SEMA3A: variants seen among roughly 807,000 people sequenced by gnomAD.
The protein encoded by SEMA3A is semaphorin-3A.
A neutral mutation model predicts 97.9 loss-of-function variants in SEMA3A; 29 were observed. The observed-to-expected ratio is 0.30, with a 90% CI of 0.22 to 0.40. The LOEUF is 0.40. Among genes scored for constraint, SEMA3A ranks in the 10% least tolerant of loss-of-function variants. The pLI is 1.00. For synonymous variants in SEMA3A, 321 were observed against 323.7 expected, an observed-to-expected ratio of 0.99 and a Z score of 0.09; for missense variants, 763 against 951.3, an observed-to-expected ratio of 0.80 and a Z score of 2.60.
At chr7:84,006,533 T>TAAAC (rs1228812001) in intron 10 of SEMA3A, among the ~76,000 whole-genome samples, 2 of 152,006 alleles carry the variant, frequency 1.3e-5, no homozygotes, top group African/African-American at 2.4e-5. Context: ...CCTCTGGATG[T>TAAAC]AAACACTCCA....
chr7:84,154,067 G>A (rs896156781), intron 1 of SEMA3A, among the ~76,000 whole-genome samples: 4 of 151,928 alleles, frequency 2.6e-5, no homozygotes, highest in African/African-American at 9.7e-5. Flanking sequence ...TATTTTGGGA[G>A]GTCTAGCTGT....
At position 83,980,603 on chromosome 7, in the gene SEMA3A, C is replaced by CAAAAAAAAAAA. The variant is rs749889921; in HGVS notation, c.1652+707_1652+717dup. The stretch of plus-strand genomic sequence containing the variant: ...CTGGTGACAGAGTGAGACTCCATCT[C>CAAAAAAAAAAA]AAAAAAAAAAAAAAAAAAAAATATA... On this transcript the variant is annotated intron_variant, in intron 14 of 16. Transcript: ENST00000265362. Among the ~76,000 whole-genome samples the CAAAAAAAAAAA allele has an allele frequency of 3.3e-4, 18 of 53,962 alleles. 1 individual carries two copies. The highest frequency in any genetic ancestry group is 4.8e-4 in the Admixed American group (2 of 4,172). 35.4% of individuals were successfully genotyped at this position (53,962 alleles called of 152,430 possible). A position where few individuals can be genotyped will look rare whatever the true frequency, so the allele number is the denominator to read the frequency against.
chr7:84,218,231 G>A (rs1238532525), intron 3 of SEMA3A, among the ~76,000 whole-genome samples: 3 of 151,872 alleles, frequency 2.0e-5, no homozygotes, highest in African/African-American at 7.3e-5. Context: ...TCTGCATATT[G>A]CAGATCTTTG....
chr7:84,073,932 T>C (rs1446278035), intron 4 of SEMA3A, among the ~76,000 whole-genome samples: 1 of 150,470 alleles, frequency 6.6e-6, no homozygotes, highest in Non-Finnish European at 1.5e-5. Flanking sequence ...ATCTTAAAAA[T>C]TTATAGACTT....
intron 1 of SEMA3A, among the ~76,000 whole-genome samples, chr7:84,189,155 C>G (rs188247114): frequency 1.0e-3 from 152 of 151,904 alleles, no homozygotes; most frequent in Non-Finnish European, 1.9e-3. Context: ...AACTGCTGGT[C>G]TTTTTAAAAT....
At chr7:83,965,838 G>A (rs1041416461) in intron 15 of SEMA3A, among the ~76,000 whole-genome samples, 1 of 149,034 alleles carries the variant, frequency 6.7e-6, no homozygotes, top group South Asian at 2.2e-4. Context: ...CTGCCACCAC[G>A]CCCAGCTAGT....
chr7:84,490,199 CAAAA>C (rs35030948), intron 1 of SEMA3A, among the ~76,000 whole-genome samples: 4 of 101,020 alleles, frequency 4.0e-5, no homozygotes, highest in Non-Finnish European at 6.4e-5. Context: ...GCTTTTCCAG[CAAAA>C]AAAAAAAAAA....
intron 1 of SEMA3A, among the ~76,000 whole-genome samples, chr7:84,462,379 G>A (rs187016952): frequency 7.2e-5 from 11 of 152,202 alleles, no homozygotes; most frequent in Admixed American, 7.2e-4. Flanking sequence ...TATAACAACT[G>A]TGACTTCTGG....
At chr7:84,271,835 A>G (rs1800158898) in intron 3 of SEMA3A, among the ~76,000 whole-genome samples, 1 of 152,154 alleles carries the variant, frequency 6.6e-6, no homozygotes, top group Non-Finnish European at 1.5e-5. Context: ...AATTCCAGAA[A>G]GCACAGTATC....
chr7:84,130,162 A>G (rs1207609923), intron 2 of SEMA3A, among the ~76,000 whole-genome samples: 1 of 152,110 alleles, frequency 6.6e-6, no homozygotes, highest in East Asian at 1.9e-4. Flanking sequence ...AAAGTCATAT[A>G]TAAAAAAACA....
intron 3 of SEMA3A, among the ~76,000 whole-genome samples, chr7:84,297,944 T>C (rs1800909122): frequency 6.6e-6 from 1 of 152,336 alleles, no homozygotes; most frequent in South Asian, 2.1e-4. Context: ...AATCTGCAGA[T>C]AATCCCAAGG....
chr7:84,166,854 G>A (rs1797225862), intron 1 of SEMA3A, among the ~76,000 whole-genome samples: 1 of 128,244 alleles, frequency 7.8e-6, no homozygotes, highest in Admixed American at 9.0e-5. Context: ...CTGCCTGGAC[G>A]ACAGAGTGAA....
At chr7:84,231,823 G>A (rs1260857568) in intron 3 of SEMA3A, among the ~76,000 whole-genome samples, 1 of 151,904 alleles carries the variant, frequency 6.6e-6, no homozygotes, top group African/African-American at 2.4e-5. Context: ...GCCAATGTCA[G>A]GTTGGGTAGG....
At position 84,011,267 on chromosome 7, in the gene SEMA3A, T is replaced by G; in HGVS notation, c.841A>C (p.Asn281His). 1 of 1,613,952 alleles carries G rather than the reference T, an allele frequency of 6.2e-7. No individual in the cohort carries two copies. The highest frequency in any genetic ancestry group is 2.2e-5 in the East Asian group (1 of 44,860). The change falls in exon 8 of 17, where the codon AAT becomes CAT. Residue 281 changes from asparagine to histidine, a missense_variant. Around this residue, in one of 2 missense-constraint regions of SEMA3A, gnomAD observed 678 missense variants for 881.3 expected, o/e 0.77. Coordinates refer to ENST00000265362, the MANE Select transcript of SEMA3A (RefSeq NM_006080.3). Reference protein sequence around the residue: ...NDFGGHRSLVNKWTTFLKARL... With the variant: ...NDFGGHRSLVHKWTTFLKARL... ...GCTTTGAGGAATGTTGTCCATTTAT[T>G]CACCAGACTTCTGTGCCCTCCAAAG...
intron 1 of SEMA3A, among the ~76,000 whole-genome samples, chr7:84,438,417 C>G (rs1459638063): frequency 6.6e-6 from 1 of 152,024 alleles, no homozygotes; most frequent in Non-Finnish European, 1.5e-5. Flanking sequence ...CAATGGAATC[C>G]ATAGAAGACC....
intron 5 of SEMA3A, among the ~76,000 whole-genome samples, chr7:84,056,007 A>G (rs898025421): frequency 2.0e-5 from 3 of 152,208 alleles, no homozygotes; most frequent in Non-Finnish European, 4.4e-5. Flanking sequence ...ACTATACCCT[A>G]CAAGATCTTT....
chr7:84,023,981 T>C (rs1043951191), intron 6 of SEMA3A, among the ~76,000 whole-genome samples: 8 of 141,528 alleles, frequency 5.7e-5, no homozygotes, highest in South Asian at 4.5e-4. Context: ...CACTGCACTC[T>C]AGCCTGGGCA....
rs1788464790 is a variant in SEMA3A, at chr7:83,961,431, T to C, written c.2256A>G (p.Glu752=). Residue 752 remains glutamate (E), a synonymous_variant, in exon 17 of 17, where the codon GAA becomes GAG. Transcript: ENST00000265362. ...GNSNKWKHLQ[E]NKKGRNRRTH... is the part of the protein sequence containing the mutation. ...TCCTCCTGTTTCTACCTTTCTTATTTTCTTGTAAGTGCTTCCATTTGTTAC... is the reference window on the plus strand; with the variant it reads ...TCCTCCTGTTTCTACCTTTCTTATTCTCTTGTAAGTGCTTCCATTTGTTAC... 6.2e-7 allele frequency: 1 copy of C among 1,614,012 alleles called. No individual in the cohort carries two copies. Among genetic ancestry groups the C allele is most frequent in the African/African-American group, 1.3e-5 (1 of 74,942 alleles).
At chr7:84,139,632 C>A (rs552733157) in intron 1 of SEMA3A, among the ~76,000 whole-genome samples, 45 of 151,984 alleles carry the variant, frequency 3.0e-4, no homozygotes, top group Non-Finnish European at 5.4e-4. Flanking sequence ...AGACGACAAG[C>A]TTTAGTGCAT....
Sources: gnomAD v4.1 joint callset for allele counts (sites outside exome capture counted in the v4.1 genomes callset) on GRCh38, gnomAD v4.1.1 for gene constraint, gnomAD v4.1.1 regional missense constraint, MANE v1.5 for transcripts, NCBI Gene and HGNC (gene_info 2026-07-23, HGNC 2026-07-21) for gene names.